Variants in TMEM117 observed in about 807,000 individuals in gnomAD.
The protein encoded by TMEM117 is transmembrane protein 117.
TMEM117 carries 27 observed loss-of-function variants against 52.4 expected under a neutral mutation model. That is an observed-to-expected ratio of 0.51 (90% CI 0.38 to 0.71). The LOEUF is 0.71. TMEM117 is among the 30% of genes least tolerant of loss of function. The pLI, the probability that TMEM117 is intolerant of heterozygous loss-of-function variation, is 0.00. For synonymous variants in TMEM117, 215 were observed against 206.3 expected, an observed-to-expected ratio of 1.04 and a Z score of -0.36; for missense variants, 556 against 630.5, an observed-to-expected ratio of 0.88 and a Z score of 1.26.
chr12:44,134,801 A>G (rs1265038704), intron 3 of TMEM117, among the ~76,000 whole-genome samples: 2 of 152,108 alleles, frequency 1.3e-5, no homozygotes, highest in Non-Finnish European at 2.9e-5. Flanking sequence ...AATATTTACA[A>G]TGCTTTTCAT....
intron 5 of TMEM117, among the ~76,000 whole-genome samples, chr12:44,223,406 A>C (rs1949816777): frequency 6.8e-6 from 1 of 147,278 alleles, no homozygotes; most frequent in Non-Finnish European, 1.5e-5. Context: ...GACCTTACTC[A>C]ACCCCCCAGA....
chr12:44,143,021 A>T (rs907200468), intron 3 of TMEM117, among the ~76,000 whole-genome samples: 1 of 152,204 alleles, frequency 6.6e-6, no homozygotes, highest in African/African-American at 2.4e-5. Flanking sequence ...ATACTGCTTT[A>T]TTATGCATGG....
intron 2 of TMEM117, among the ~76,000 whole-genome samples, chr12:43,898,052 A>G (rs113924536): frequency 3.6e-5 from 5 of 137,958 alleles, no homozygotes; most frequent in African/African-American, 6.0e-5. Flanking sequence ...ACGCACGCAC[A>G]CACACACACA....
At chr12:43,939,921 A>G (rs1032557012) in intron 2 of TMEM117, among the ~76,000 whole-genome samples, 6 of 152,236 alleles carry the variant, frequency 3.9e-5, no homozygotes, top group African/African-American at 7.2e-5. Flanking sequence ...GGCAGCAGGC[A>G]AGAGAGAGCT....
chr12:44,079,020 T>C (rs1565818901), intron 3 of TMEM117, among the ~76,000 whole-genome samples: 1 of 152,120 alleles, frequency 6.6e-6, no homozygotes, highest in African/African-American at 2.4e-5. Context: ...GCTTCATCTA[T>C]GTCCCTGCAA....
intron 5 of TMEM117, among the ~76,000 whole-genome samples, chr12:44,272,582 A>G (rs1292567403): frequency 6.6e-6 from 1 of 152,242 alleles, no homozygotes; most frequent in Non-Finnish European, 1.5e-5. Context: ...ACACTTCTCA[A>G]AAGAAGACAT....
intron 2 of TMEM117, among the ~76,000 whole-genome samples, chr12:43,943,942 ATG>A (rs1945086401): frequency 6.6e-6 from 1 of 152,236 alleles, no homozygotes; most frequent in South Asian, 2.1e-4. Flanking sequence ...TGCTAGCATG[ATG>A]AACTATCTCT....
At chr12:44,171,517 C>G (rs113569826) in intron 4 of TMEM117, among the ~76,000 whole-genome samples, 3 of 152,264 alleles carry the variant, frequency 2.0e-5, no homozygotes, top group African/African-American at 7.2e-5. Context: ...AAATGAAAAA[C>G]TGTTCCTTTT....
intron 3 of TMEM117, among the ~76,000 whole-genome samples, chr12:44,080,621 C>A (rs1338574966): frequency 6.6e-6 from 1 of 152,092 alleles, no homozygotes; most frequent in Non-Finnish European, 1.5e-5. Context: ...TCACAGGTCA[C>A]ATCTTGCCTC....
chr12:44,309,346 A>G (rs1015757372), intron 6 of TMEM117, among the ~76,000 whole-genome samples: 10 of 152,156 alleles, frequency 6.6e-5, no homozygotes, highest in African/African-American at 2.4e-4. Flanking sequence ...TTTCTAAGTC[A>G]AGGTTTATTA....
rs1264179472 is a variant in TMEM117, at chr12:44,090,839, G to GTTTTTTTTTTTTTTTTT, written c.411-52677_411-52676insTTTTTTTTTTTTTTTTT. Among the ~76,000 whole-genome samples the GTTTTTTTTTTTTTTTTT allele has an allele frequency of 1.5e-4, 16 of 104,802 alleles. 2 individuals are homozygous for GTTTTTTTTTTTTTTTTT. The highest frequency in any genetic ancestry group is 7.2e-4 in the African/African-American group (16 of 22,120). The allele number at this position is 104,802 out of a possible 152,430, so 68.8% of individuals were successfully genotyped here. Reference sequence around the variant, plus strand: ...CTAATTCTTAATCCTGTATTTATGTGTTTTTTTTTGTTTTTTTTTTTTTTT... The same window carrying GTTTTTTTTTTTTTTTTT: ...CTAATTCTTAATCCTGTATTTATGTGTTTTTTTTTTTTTTTTTTTTTTTTTTGTTTTTTTTTTTTTTT... On this transcript the variant is annotated intron_variant, in intron 3 of 7. Coordinates refer to ENST00000266534, the MANE Select transcript of TMEM117 (RefSeq NM_032256.3).
intron 6 of TMEM117, among the ~76,000 whole-genome samples, chr12:44,344,320 T>C (rs1463999277): frequency 6.6e-6 from 1 of 152,152 alleles, no homozygotes; most frequent in Non-Finnish European, 1.5e-5. Flanking sequence ...CAGGGCTAGC[T>C]TTATAAGTAT....
intron 3 of TMEM117, among the ~76,000 whole-genome samples, chr12:44,127,379 T>A (rs1948342713): frequency 6.6e-6 from 1 of 152,070 alleles, no homozygotes; most frequent in Non-Finnish European, 1.5e-5. Flanking sequence ...ACATCTCCAA[T>A]AAAATGACTA....
At chr12:44,126,143 T>A (rs1416937917) in intron 3 of TMEM117, among the ~76,000 whole-genome samples, 1 of 152,148 alleles carries the variant, frequency 6.6e-6, no homozygotes, top group Non-Finnish European at 1.5e-5. Context: ...TAATTATGTA[T>A]CACATATTTA....
At chr12:44,241,129 T>C (rs758052430) in intron 5 of TMEM117, among the ~76,000 whole-genome samples, 2 of 152,046 alleles carry the variant, frequency 1.3e-5, no homozygotes, top group Non-Finnish European at 2.9e-5. Flanking sequence ...ATCTCTAGAT[T>C]ATGTATAACA....
chr12:44,244,664 T>C (rs1950106825), intron 5 of TMEM117, among the ~76,000 whole-genome samples: 1 of 152,040 alleles, frequency 6.6e-6, no homozygotes, highest in African/African-American at 2.4e-5. Flanking sequence ...TTTAATTCTG[T>C]TGATTATTTC....
intron 3 of TMEM117, among the ~76,000 whole-genome samples, chr12:44,141,501 T>C (rs1467680276): frequency 2.0e-5 from 3 of 152,120 alleles, no homozygotes; most frequent in African/African-American, 7.2e-5. Flanking sequence ...TGTCTCTATT[T>C]TTAGATAGTA....
In TMEM117 at chr12:43,974,666, C is replaced by T. The variant is rs78135837; in HGVS notation, c.410+30324C>T. Among the ~76,000 whole-genome samples the T allele has an allele frequency of 7.9e-3, 1,201 of 152,188 alleles. 6 individuals are homozygous for T. Among genetic ancestry groups the T allele is most frequent in the Non-Finnish European group, 0.014 (933 of 67,992 alleles). ...TGATCTGTCTCTCTATCTCAACTTA[C>T]CTTGTTCCAGATGTACATTTTTGAT... On this transcript the variant is annotated intron_variant, in intron 3 of 7. Transcript: ENST00000266534.
chr12:44,373,561 G>A (rs1394050310), intron 6 of TMEM117, among the ~76,000 whole-genome samples: 1 of 152,088 alleles, frequency 6.6e-6, no homozygotes, highest in East Asian at 1.9e-4. Flanking sequence ...AACCATTTTT[G>A]TTGGACATTC....
Sources: allele counts gnomAD v4.1 joint callset (sites outside exome capture counted in the v4.1 genomes callset), GRCh38; gene constraint gnomAD v4.1.1; transcripts MANE v1.5; gene names NCBI Gene and HGNC (gene_info 2026-07-23, HGNC 2026-07-21).